SAMD12: variants seen among roughly 807,000 people sequenced by gnomAD.
SAMD12 encodes sterile alpha motif domain containing 12.
SAMD12 carries 9 observed loss-of-function variants against 15.0 expected under a neutral mutation model. That is an observed-to-expected ratio of 0.60 (90% confidence interval 0.36 to 1.05). SAMD12 has a LOEUF of 1.05. Among genes scored for constraint, SAMD12 ranks in the 50% least tolerant of loss-of-function variants. SAMD12 has a pLI of 0.01. For missense variants in SAMD12, 230 were observed against 234.2 expected, an observed-to-expected ratio of 0.98 and a Z score of 0.12; for synonymous variants, 86 against 90.1, an observed-to-expected ratio of 0.96 and a Z score of 0.25.
intron 4 of SAMD12, among the ~76,000 whole-genome samples, chr8:118,203,010 G>C (rs1819756279): frequency 6.6e-6 from 1 of 152,202 alleles, no homozygotes; most frequent in African/African-American, 2.4e-5. Context: ...AATTCACACA[G>C]AGAAAATGAC....
intron 2 of SAMD12, among the ~76,000 whole-genome samples, chr8:118,444,537 C>T (rs1414878631): frequency 1.4e-5 from 2 of 140,874 alleles, no homozygotes; most frequent in South Asian, 2.3e-4. Flanking sequence ...TTGCAAATTA[C>T]TTTTTTTTTT....
At chr8:118,491,634 T>C (rs1314915854) in intron 2 of SAMD12, among the ~76,000 whole-genome samples, 1 of 152,134 alleles carries the variant, frequency 6.6e-6, no homozygotes, top group Non-Finnish European at 1.5e-5. Context: ...TAACTTCTAT[T>C]TTATTTTCTA....
At chr8:118,350,203 G>A (rs1041234612) in intron 4 of SAMD12, among the ~76,000 whole-genome samples, 1 of 152,082 alleles carries the variant, frequency 6.6e-6, no homozygotes, top group Non-Finnish European at 1.5e-5. Context: ...TCCTTTACTC[G>A]TTTTAGTTTA....
intron 3 of SAMD12, chr8:118,400,196 G>C (rs1236002464): frequency 6.6e-6 from 1 of 152,176 alleles, no homozygotes; most frequent in Non-Finnish European, 1.5e-5. Context: ...TTCTATGCCA[G>C]GCACTGTGAT....
At chr8:118,394,072 G>A (rs1820428346) in intron 3 of SAMD12, among the ~76,000 whole-genome samples, 1 of 152,184 alleles carries the variant, frequency 6.6e-6, no homozygotes, top group Non-Finnish European at 1.5e-5. Flanking sequence ...GATTGACACT[G>A]GCATTGCTTC....
At chr8:118,180,930 C>CA in the SAMD12 span, among the ~76,000 whole-genome samples, 2 of 152,234 alleles carry the variant, frequency 1.3e-5, no homozygotes. Flanking sequence ...CCTCCGCTGT[C>CA]AGCCTGAGTA....
intron 4 of SAMD12, among the ~76,000 whole-genome samples, chr8:118,303,630 T>C (rs927208843): frequency 6.6e-6 from 1 of 152,190 alleles, no homozygotes; most frequent in Non-Finnish European, 1.5e-5. Flanking sequence ...TCTCTTCTAA[T>C]TTTGACCTTT....
chr8:118,367,164 G>T (rs1362752628), intron 4 of SAMD12, among the ~76,000 whole-genome samples: 1 of 151,852 alleles, frequency 6.6e-6, no homozygotes, highest in Non-Finnish European at 1.5e-5. Context: ...AGAATTGGTG[G>T]TCCCCCCAAA....
intron 2 of SAMD12, among the ~76,000 whole-genome samples, chr8:118,525,994 T>C (rs959435138): frequency 1.3e-5 from 2 of 152,238 alleles, no homozygotes; most frequent in Admixed American, 1.3e-4. Flanking sequence ...CTGTATTTTA[T>C]TGTTAATTGT....
chr8:118,134,796 G>A, the SAMD12 span, among the ~76,000 whole-genome samples: 30 of 152,280 alleles, frequency 2.0e-4, no homozygotes, highest in Middle Eastern at 6.8e-3. Context: ...AGTGTGCAGC[G>A]AAGTGCATAC....
the SAMD12 span, among the ~76,000 whole-genome samples, chr8:118,141,384 A>G: frequency 1.3e-5 from 2 of 152,246 alleles, no homozygotes; most frequent in African/African-American, 2.4e-5. Context: ...AAGTTTATCA[A>G]TAAGTTTGTG....
intron 3 of SAMD12, among the ~76,000 whole-genome samples, chr8:118,406,459 A>G (rs1432586619): frequency 6.6e-6 from 1 of 151,960 alleles, no homozygotes; most frequent in East Asian, 1.9e-4. Flanking sequence ...TTTTTAGTAG[A>G]GACGGGGTTT....
At chr8:118,585,958 C>T (rs1436857747) in intron 1 of SAMD12, among the ~76,000 whole-genome samples, 1 of 152,222 alleles carries the variant, frequency 6.6e-6, no homozygotes, top group Non-Finnish European at 1.5e-5. Context: ...AGCCACCCAA[C>T]TTCCAGTTCT....
At chr8:118,290,144 A>G (rs1203657824) in intron 4 of SAMD12, among the ~76,000 whole-genome samples, 1 of 152,236 alleles carries the variant, frequency 6.6e-6, no homozygotes, top group African/African-American at 2.4e-5. Context: ...TAAGACCAAA[A>G]ATAAAAAATG....
At chr8:118,517,319 A>T (rs932145395) in intron 2 of SAMD12, among the ~76,000 whole-genome samples, 1 of 152,228 alleles carries the variant, frequency 6.6e-6, no homozygotes, top group Non-Finnish European at 1.5e-5. Flanking sequence ...CAGTTGTAGC[A>T]CTTACCTGCT....
chr8:118,482,005 T>C (rs988787151), intron 2 of SAMD12, among the ~76,000 whole-genome samples: 1 of 152,214 alleles, frequency 6.6e-6, no homozygotes, highest in Non-Finnish European at 1.5e-5. Context: ...TTTTACAAAT[T>C]AGGCAAGATT....
intron 3 of SAMD12, among the ~76,000 whole-genome samples, chr8:118,384,058 G>A (rs1819819242): frequency 6.6e-6 from 1 of 152,164 alleles, no homozygotes; most frequent in Admixed American, 6.5e-5. Flanking sequence ...ATTGTAGTTG[G>A]GGTGGTTAGG....
chr8:118,167,228 G>A, the SAMD12 span, among the ~76,000 whole-genome samples: 1 of 151,898 alleles, frequency 6.6e-6, no homozygotes, highest in African/African-American at 2.4e-5. Flanking sequence ...CAGAGACATG[G>A]TCTGATGTTG....
chr8:118,150,000 T>A, the SAMD12 span, among the ~76,000 whole-genome samples: 1 of 152,188 alleles, frequency 6.6e-6, no homozygotes, highest in African/African-American at 2.4e-5. Context: ...CCACTGAAAG[T>A]GATTTTGCCC....
Sources: gnomAD v4.1 joint callset for allele counts (sites outside exome capture counted in the v4.1 genomes callset) on GRCh38, gnomAD v4.1.1 for gene constraint, MANE v1.5 for transcripts, NCBI Gene and HGNC (gene_info 2026-07-23, HGNC 2026-07-21) for gene names.